Variants in OXCT1 observed in about 807,000 individuals in gnomAD.
OXCT1 encodes the protein succinyl-CoA:3-ketoacid coenzyme A transferase 1, mitochondrial.
OXCT1 carries 27 observed loss-of-function variants against 69.6 expected under a neutral mutation model. The ratio of observed to expected loss-of-function variants is 0.39; its 90% CI spans 0.29 to 0.54. OXCT1 has a LOEUF of 0.54. OXCT1 is among the 20% of genes least tolerant of loss of function. The pLI is 0.72. For synonymous variants in OXCT1, 202 were observed against 217.8 expected, an observed-to-expected ratio of 0.93 and a Z score of 0.64; for missense variants, 437 against 650.2, an observed-to-expected ratio of 0.67 and a Z score of 3.57.
At position 41,762,053 on chromosome 5, in the gene OXCT1, G is replaced by T; in HGVS notation, c.1338+58C>A. The T allele has an allele frequency of 8.9e-7, 1 of 1,122,938 alleles. No homozygotes were observed. The highest frequency in any genetic ancestry group is 1.4e-6 in the Non-Finnish European group (1 of 731,588). 69.6% of individuals were successfully genotyped at this position (1,122,938 alleles called of 1,614,324 possible). A position where few individuals can be genotyped will look rare whatever the true frequency, so the allele number is the denominator to read the frequency against. ...AGTTAGGTGACCTGGTGGTACACTG[G>T]GTTTTGATGTATTGCAAATTTCCAA... On this transcript the variant is annotated intron_variant, in intron 14 of 16. Coordinates refer to ENST00000196371, the MANE Select transcript of OXCT1 (RefSeq NM_000436.4). This position sits in a 1 kb window ranked among gnomAD's most constrained non-coding sequence, Gnocchi z 4.0.
chr5:41,844,065 A>G (rs996025545), intron 5 of OXCT1, among the ~76,000 whole-genome samples: 5 of 152,232 alleles, frequency 3.3e-5, no homozygotes, highest in African/African-American at 1.2e-4. Flanking sequence ...ATGCAAATGC[A>G]AGGCAAAGTC....
intron 5 of OXCT1, among the ~76,000 whole-genome samples, chr5:41,849,740 G>A (rs1749090990): frequency 1.3e-5 from 2 of 152,140 alleles, no homozygotes; most frequent in South Asian, 4.1e-4. Context: ...AAGTATAACT[G>A]TTTCTCAATT....
At chr5:41,869,591 C>A (rs1057221243) in intron 1 of OXCT1, among the ~76,000 whole-genome samples, 7 of 152,312 alleles carry the variant, frequency 4.6e-5, no homozygotes, top group Admixed American at 1.3e-4. Flanking sequence ...TACGAGGGGC[C>A]TCGAGAGAAA....
intron 1 of OXCT1, among the ~76,000 whole-genome samples, chr5:41,867,986 C>T (rs1204379212): frequency 6.6e-6 from 1 of 152,224 alleles, no homozygotes; most frequent in African/African-American, 2.4e-5. Context: ...CCCAGACCAG[C>T]AGCATCAACA....
chr5:41,770,687 A>G (rs1464702701), intron 13 of OXCT1, among the ~76,000 whole-genome samples: 2 of 152,212 alleles, frequency 1.3e-5, no homozygotes, highest in Non-Finnish European at 2.9e-5. Context: ...TGCAAATTCT[A>G]AAATCCTAAA....
intron 7 of OXCT1, among the ~76,000 whole-genome samples, chr5:41,808,891 A>G (rs1261382095): frequency 6.6e-6 from 1 of 152,096 alleles, no homozygotes; most frequent in Non-Finnish European, 1.5e-5. Flanking sequence ...CTTGACTTTA[A>G]AAATGTGTTT....
intron 13 of OXCT1, among the ~76,000 whole-genome samples, chr5:41,783,431 T>C (rs1346251634): frequency 6.6e-6 from 1 of 152,208 alleles, no homozygotes; most frequent in Admixed American, 6.5e-5. Context: ...TCAGCAACAC[T>C]ATGATTTATC....
intron 14 of OXCT1, among the ~76,000 whole-genome samples, chr5:41,753,308 TAGAC>T (rs1579661423): frequency 1.1e-5 from 1 of 91,440 alleles, no homozygotes; most frequent in East Asian, 2.2e-4. Flanking sequence ...CACACACACA[TAGAC>T]ACACACACAC....
chr5:41,827,928 A>G (rs1313803204), intron 7 of OXCT1, among the ~76,000 whole-genome samples: 1 of 152,156 alleles, frequency 6.6e-6, no homozygotes, highest in Non-Finnish European at 1.5e-5. Flanking sequence ...AATCAGAGAC[A>G]TAGGGCCCTC....
In OXCT1 at chr5:41,803,047, A is replaced by G. The variant is rs367878239; in HGVS notation, c.1050+22T>C. The G allele has an allele frequency of 1.1e-4, 173 of 1,536,912 alleles. 1 individual carries two copies. In the African/African-American group the frequency reaches 2.2e-3, roughly 19 times the overall value. On this transcript the variant is annotated intron_variant, in intron 10 of 16. Transcript: ENST00000196371. ...TCATTCTTCATTAAGACTGGATTTT[A>G]GAAAACAAATTTTCATCTTACCAAA... is the stretch of plus-strand genomic sequence containing the variant.
intron 3 of OXCT1, among the ~76,000 whole-genome samples, chr5:41,854,029 A>C (rs1409869605): frequency 6.6e-6 from 1 of 152,212 alleles, no homozygotes; most frequent in Non-Finnish European, 1.5e-5. Flanking sequence ...TTTCACTTCT[A>C]AAAAGGAGAG....
chr5:41,737,203 C>T (rs1020930609), intron 16 of OXCT1, among the ~76,000 whole-genome samples: 2 of 152,136 alleles, frequency 1.3e-5, no homozygotes, highest in Non-Finnish European at 2.9e-5. Flanking sequence ...CATTGACATA[C>T]AAATTAACAT....
intron 7 of OXCT1, among the ~76,000 whole-genome samples, chr5:41,819,617 G>A (rs573256411): frequency 4.0e-5 from 6 of 151,688 alleles, no homozygotes; most frequent in Non-Finnish European, 8.8e-5. Flanking sequence ...TGATCTGCCT[G>A]CCTCAGCCTC....
chr5:41,740,776 C>G (rs944539078), intron 15 of OXCT1, among the ~76,000 whole-genome samples: 1 of 152,184 alleles, frequency 6.6e-6, no homozygotes, highest in African/African-American at 2.4e-5. Context: ...GCTAAAACTG[C>G]TTCTCCTATG....
chr5:41,777,596 C>G (rs1196373041), intron 13 of OXCT1, among the ~76,000 whole-genome samples: 1 of 152,094 alleles, frequency 6.6e-6, no homozygotes, highest in African/African-American at 2.4e-5. Context: ...ATTTTTCTTT[C>G]TTATTGTTCC....
chr5:41,756,620 A>T (rs1744086175), intron 14 of OXCT1, among the ~76,000 whole-genome samples: 1 of 152,104 alleles, frequency 6.6e-6, no homozygotes, highest in African/African-American at 2.4e-5. Context: ...ACAAGTATGT[A>T]TTGAGCCATG....
At chr5:41,745,455 A>G (rs2112029000) in intron 15 of OXCT1, among the ~76,000 whole-genome samples, 1 of 152,350 alleles carries the variant, frequency 6.6e-6, no homozygotes, top group Middle Eastern at 3.4e-3. Flanking sequence ...AGCAGGAAAG[A>G]TCTAAAATTG....
At chr5:41,824,489 T>C (rs1358938144) in intron 7 of OXCT1, among the ~76,000 whole-genome samples, 1 of 152,194 alleles carries the variant, frequency 6.6e-6, no homozygotes, top group African/African-American at 2.4e-5. Flanking sequence ...TCCATTCCAT[T>C]TTCCTATCTC....
At chr5:41,738,040 A>G (rs1305012870) in intron 16 of OXCT1, among the ~76,000 whole-genome samples, 2 of 152,134 alleles carry the variant, frequency 1.3e-5, no homozygotes, top group Non-Finnish European at 2.9e-5. Flanking sequence ...GGGCAACAGA[A>G]CAAGACTCCG....
Sources: gnomAD v4.1 joint callset for allele counts (sites outside exome capture counted in the v4.1 genomes callset) on GRCh38, gnomAD v4.1.1 for gene constraint, Gnocchi (gnomAD v3.1) non-coding constraint, MANE v1.5 for transcripts, NCBI Gene and HGNC (gene_info 2026-07-23, HGNC 2026-07-21) for gene names.